Variants in SYT2 observed in about 807,000 individuals in gnomAD.
SYT2 encodes the protein synaptotagmin-2.
SYT2 carries 15 observed loss-of-function variants against 39.9 expected under a neutral mutation model. The observed-to-expected ratio is 0.38, with a 90% CI of 0.25 to 0.58. SYT2 has a LOEUF of 0.58. SYT2 is among the 20% of genes least tolerant of loss of function. SYT2 has a pLI of 0.70. For missense variants in SYT2, 389 were observed against 530.3 expected (o/e 0.73, Z 2.62); for synonymous variants, 181 against 204.5 (o/e 0.89, Z 0.98).
rs116676549 is a variant in SYT2, at chr1:202,671,622, C to T, written c.-18+38636G>A. On this transcript the variant is annotated intron_variant, in intron 1 of 8. Coordinates refer to ENST00000367268, the MANE Select transcript of SYT2 (RefSeq NM_177402.5). Reference sequence around the variant, plus strand: ...CTTGGCTGGGCTCACTTTTGGCAGCCTCCCAGGCCTAGAGAAACGAAAGTC... The same window carrying T: ...CTTGGCTGGGCTCACTTTTGGCAGCTTCCCAGGCCTAGAGAAACGAAAGTC... Among the ~76,000 whole-genome samples, 621 of 152,332 alleles carry T rather than the reference C, an allele frequency of 4.1e-3. 2 individuals carry two copies. The highest frequency in any genetic ancestry group is 0.014 in the African/African-American group (576 of 41,570).
In SYT2 at chr1:202,596,960, C is replaced by G. The variant is rs1052156962; in HGVS notation, c.1057G>C (p.Val353Leu). 2 of 1,612,694 alleles carry G rather than the reference C, an allele frequency of 1.2e-6. No individual in the cohort carries two copies. The highest frequency in any genetic ancestry group is 1.3e-5 in the African/African-American group (1 of 74,918). The change falls in exon 9 of 9, where the codon GTC becomes CTC. Residue 353 changes from valine to leucine, a missense_variant. Physicochemically the swap from Val to Leu is conservative, Grantham distance 32. Around this residue, in one of 4 missense-constraint regions of SYT2, gnomAD observed 84 missense variants for 123.1 expected, o/e 0.68. Coordinates refer to ENST00000367268, the MANE Select transcript of SYT2 (RefSeq NM_177402.5). ...TCCAGCACGGTGACCACTACCTGGA[C>G]TTTCTGCAAGGAAAACGAGGGAGGG... ...FEIPFEQIQK[V>L]QVVVTVLDYD...
intron 1 of SYT2, chr1:202,627,332 G>A (rs1363062402): frequency 3.9e-6 from 2 of 515,132 alleles, no homozygotes; most frequent in East Asian, 3.0e-4. Flanking sequence ...TGATTGCTGA[G>A]CCTGATAGCA....
At chr1:202,640,790 G>GAGAGAGAGAC (rs1691893942) in intron 1 of SYT2, among the ~76,000 whole-genome samples, 1 of 120,092 alleles carries the variant, frequency 8.3e-6, no homozygotes, top group Non-Finnish European at 1.8e-5. Context: ...GAGAGAGAGA[G>GAGAGAGAGAC]AGACAGACAG....
rs372912725 is a variant in SYT2, at chr1:202,670,349, C to T, written c.-18+39909G>A. 2.8e-3 allele frequency among the ~76,000 whole-genome samples: 433 copies of T among 152,284 alleles called. 4 individuals carry two copies. Among genetic ancestry groups the T allele is most frequent in the African/African-American group, 0.01 (419 of 41,560 alleles). On this transcript the variant is annotated intron_variant, in intron 1 of 8. Transcript: ENST00000367268. ...CATAGAGAAGTGGGAGCATCGGGCACTCAACCCTTTAACCCCTGCATTGCT... is the reference window on the plus strand; with the variant it reads ...CATAGAGAAGTGGGAGCATCGGGCATTCAACCCTTTAACCCCTGCATTGCT...
At chr1:202,616,933 T>G (rs1025391468) in intron 1 of SYT2, among the ~76,000 whole-genome samples, 3 of 152,210 alleles carry the variant, frequency 2.0e-5, no homozygotes, top group African/African-American at 4.8e-5. Flanking sequence ...GGTCTCCTCT[T>G]GCTCGCCTCC....
At chr1:202,703,609 T>A (rs1654176880) in intron 1 of SYT2, among the ~76,000 whole-genome samples, 1 of 152,080 alleles carries the variant, frequency 6.6e-6, no homozygotes, top group African/African-American at 2.4e-5. Context: ...CTGCATCTGA[T>A]CCTACCTGAG....
At chr1:202,692,523 T>C (rs1163673447) in intron 1 of SYT2, among the ~76,000 whole-genome samples, 1 of 152,242 alleles carries the variant, frequency 6.6e-6, no homozygotes, top group African/African-American at 2.4e-5. Flanking sequence ...CAGGTTAAAC[T>C]GGCCCCACTC....
At chr1:202,616,555 G>A (rs573714184) in intron 1 of SYT2, among the ~76,000 whole-genome samples, 2 of 152,060 alleles carry the variant, frequency 1.3e-5, no homozygotes, top group South Asian at 4.2e-4. Context: ...ATTTCGTCAC[G>A]TCCACCTCAC....
At chr1:202,641,780 T>C (rs1228958260) in intron 1 of SYT2, among the ~76,000 whole-genome samples, 1 of 152,208 alleles carries the variant, frequency 6.6e-6, no homozygotes, top group Non-Finnish European at 1.5e-5. Context: ...GTGAGGTCCT[T>C]GACATCACCC....
Position 202,596,646 on chromosome 1 carries a change from A to AC in SYT2, c.*110dup, listed in dbSNP as rs1288977705. 1 of 1,065,744 alleles carries AC rather than the reference A, an allele frequency of 9.4e-7. No homozygotes were observed. Among genetic ancestry groups the AC allele is most frequent in the African/African-American group, 1.6e-5 (1 of 62,730 alleles). 66.0% of individuals were successfully genotyped at this position (1,065,744 alleles called of 1,614,324 possible). ...AACAAGGAAAAACAAGGACACAACC[A>AC]CCCAACAAATGAAAGAAAAAAGAAA... On this transcript the variant is annotated 3_prime_UTR_variant, in exon 9 of 9. Coordinates refer to ENST00000367268, the MANE Select transcript of SYT2 (RefSeq NM_177402.5).
chr1:202,616,554 C>T (rs374162131), intron 1 of SYT2, among the ~76,000 whole-genome samples: 13 of 152,298 alleles, frequency 8.5e-5, no homozygotes, highest in Admixed American at 4.6e-4. Context: ...CATTTCGTCA[C>T]GTCCACCTCA....
At chr1:202,699,996 G>A (rs2149121104) in intron 1 of SYT2, among the ~76,000 whole-genome samples, 1 of 152,266 alleles carries the variant, frequency 6.6e-6, no homozygotes, top group Middle Eastern at 3.4e-3. Context: ...TTAAACAGAA[G>A]CTTAAGAGAA....
At chr1:202,703,365 T>A (rs4072140) in intron 1 of SYT2, among the ~76,000 whole-genome samples, 41,858 of 151,110 alleles carry the variant, frequency 0.28, 6,435 homozygotes, top group South Asian at 0.38. Flanking sequence ...AAAATGGAGC[T>A]AAGAGTAGGA....
chr1:202,620,189 TTC>T (rs552700853), intron 1 of SYT2, among the ~76,000 whole-genome samples: 232 of 152,356 alleles, frequency 1.5e-3, no homozygotes, highest in African/African-American at 5.1e-3. Flanking sequence ...GCCGCTGTCC[TTC>T]TGTCTGCCCA....
At chr1:202,634,891 G>C (rs541281700) in intron 1 of SYT2, among the ~76,000 whole-genome samples, 1 of 152,134 alleles carries the variant, frequency 6.6e-6, no homozygotes, top group Non-Finnish European at 1.5e-5. Context: ...TGGAAGAATC[G>C]AGGGTGACTG....
intron 1 of SYT2, among the ~76,000 whole-genome samples, chr1:202,672,145 A>C (rs1692599912): frequency 6.6e-6 from 1 of 152,242 alleles, no homozygotes; most frequent in Non-Finnish European, 1.5e-5. Context: ...AATAGCCAGA[A>C]ACTGTAAAAC....
intron 1 of SYT2, among the ~76,000 whole-genome samples, chr1:202,626,396 A>AGTTTTTTTTTT (rs1691405839): frequency 8.5e-6 from 1 of 118,118 alleles, no homozygotes; most frequent in East Asian, 3.0e-4. Context: ...ACAGCCTCTC[A>AGTTTTTTTTTT]GCTTTTTTTT....
At chr1:202,696,466 GATC>G (rs370384596) in intron 1 of SYT2, among the ~76,000 whole-genome samples, 77 of 152,278 alleles carry the variant, frequency 5.1e-4, no homozygotes, top group African/African-American at 1.8e-3. Context: ...TCATTCCAAT[GATC>G]ATAATTGTAA....
chr1:202,703,381 G>A (rs1184040744), intron 1 of SYT2, among the ~76,000 whole-genome samples: 1 of 152,134 alleles, frequency 6.6e-6, no homozygotes, highest in African/African-American at 2.4e-5. Flanking sequence ...TAGGAGTGAG[G>A]AAGGGAGTAA....
Sources: gnomAD v4.1 joint callset for allele counts (sites outside exome capture counted in the v4.1 genomes callset) on GRCh38, gnomAD v4.1.1 for gene constraint, gnomAD v4.1.1 regional missense constraint, MANE v1.5 for transcripts, NCBI Gene and HGNC (gene_info 2026-07-23, HGNC 2026-07-21) for gene names.